The following SLCO2A1 variants were observed in gnomAD, a reference collection of about 807,000 sequenced individuals.
The protein encoded by SLCO2A1 is matrin F/G 1.
In SLCO2A1, 60 loss-of-function variants were observed where a neutral mutation model predicts 71.7. The ratio of observed to expected loss-of-function variants is 0.84; its 90% CI spans 0.68 to 1.04. The LOEUF (loss-of-function observed/expected upper bound fraction) is 1.04, where lower values mean the gene tolerates loss of function less well. Ranked by LOEUF, SLCO2A1 falls within the 50% of genes least tolerant of loss-of-function variation. The pLI is 0.00. For synonymous variants in SLCO2A1, 308 were observed against 326.7 expected (o/e 0.94, Z 0.62); for missense variants, 745 against 813.4 (o/e 0.92, Z 1.02).
At chr3:134,019,449 C>T (rs1216906808) in intron 1 of SLCO2A1, among the ~76,000 whole-genome samples, 1 of 152,144 alleles carries the variant, frequency 6.6e-6, no homozygotes, top group African/African-American at 2.4e-5. Flanking sequence ...CTATGCCTCA[C>T]GGAATTGGTG....
chr3:133,939,542 G>A (rs907957953), intron 11 of SLCO2A1, among the ~76,000 whole-genome samples: 6 of 152,226 alleles, frequency 3.9e-5, no homozygotes, highest in African/African-American at 1.4e-4. Flanking sequence ...TAGCAAACTG[G>A]AAAGGGACCT....
intron 2 of SLCO2A1, among the ~76,000 whole-genome samples, chr3:133,977,172 T>TAC (rs1934479673): frequency 1.3e-5 from 2 of 152,032 alleles, no homozygotes; most frequent in Admixed American, 6.6e-5. Flanking sequence ...CAGACACAGA[T>TAC]ACACACACAC....
intron 3 of SLCO2A1, 154 bp from the exon 4 acceptor site, chr3:133,955,347 G>C (rs919928298): frequency 1.6e-6 from 1 of 614,560 alleles, no homozygotes; most frequent in Non-Finnish European, 2.8e-6. Flanking sequence ...TGAGGACCGC[G>C]TCCTTCTGTC....
intron 1 of SLCO2A1, among the ~76,000 whole-genome samples, chr3:133,986,545 T>A (rs1934718003): frequency 6.6e-6 from 1 of 152,186 alleles, no homozygotes; most frequent in African/African-American, 2.4e-5. Context: ...CTTCTAACTG[T>A]CAAGGCCATG....
At chr3:134,006,285 T>C (rs1431557300) in intron 1 of SLCO2A1, among the ~76,000 whole-genome samples, 2 of 152,010 alleles carry the variant, frequency 1.3e-5, no homozygotes, top group Admixed American at 6.6e-5. Flanking sequence ...ATTCTGGGCT[T>C]AAGCAATCTT....
At chr3:133,961,341 C>T (rs1429883697) in intron 3 of SLCO2A1, among the ~76,000 whole-genome samples, 1 of 151,964 alleles carries the variant, frequency 6.6e-6, no homozygotes, top group Non-Finnish European at 1.5e-5. Context: ...AGAAACATCA[C>T]CGGGAAAAGA....
intron 1 of SLCO2A1, among the ~76,000 whole-genome samples, chr3:133,980,052 C>A (rs1175212479): frequency 6.6e-6 from 1 of 152,182 alleles, no homozygotes; most frequent in Non-Finnish European, 1.5e-5. Context: ...CCAATTCAGA[C>A]CACTCTTGGG....
intron 1 of SLCO2A1, among the ~76,000 whole-genome samples, chr3:134,010,925 A>T (rs967154078): frequency 6.6e-6 from 1 of 152,218 alleles, no homozygotes; most frequent in Non-Finnish European, 1.5e-5. Context: ...GTCAAACCAT[A>T]TCAGGTGGGA....
chr3:134,011,155 G>C (rs940954609), intron 1 of SLCO2A1, among the ~76,000 whole-genome samples: 1 of 152,090 alleles, frequency 6.6e-6, no homozygotes, highest in Admixed American at 6.5e-5. Flanking sequence ...GGTTCAAGCA[G>C]CTCTCCTGCC....
At chr3:133,947,572 G>T in intron 8 of SLCO2A1, 127 bp from the exon 9 acceptor site, 1 of 747,136 alleles carries the variant, frequency 1.3e-6, no homozygotes, top group Non-Finnish European at 2.1e-6. Flanking sequence ...ATGTTAAATT[G>T]TAATCGAAGT....
rs549556778 is a variant in SLCO2A1, at chr3:133,959,151, T to C, written c.398-3958A>G. On this transcript the variant is annotated intron_variant, in intron 3 of 13. Transcript: ENST00000310926. ...AGGGGAAAAGGAGAACGCGGAGTCC[T>C]GAAAAGGACCTGGACCCAGTTACAT... Among the ~76,000 whole-genome samples, 343 of 152,254 alleles carry C rather than the reference T, an allele frequency of 2.3e-3. 1 individual carries two copies. Among genetic ancestry groups the C allele is most frequent in the Non-Finnish European group, 4.1e-3 (282 of 68,008 alleles).
chr3:134,008,811 G>C (rs1343372882), intron 1 of SLCO2A1, among the ~76,000 whole-genome samples: 1 of 152,238 alleles, frequency 6.6e-6, no homozygotes, highest in Admixed American at 6.5e-5. Flanking sequence ...TTCCCAGAAA[G>C]GAAAAGGCTC....
rs1442180758 is a variant in SLCO2A1 at position 133,935,900 on chromosome 3, G to A, written c.1691-3C>T. 4.4e-6 allele frequency: 7 copies of A among 1,589,420 alleles called. No homozygotes were observed. In the Admixed American group the frequency reaches 7.0e-5, roughly 16 times the overall value. On this transcript the variant is annotated splice_polypyrimidine_tract_variant and splice_region_variant and intron_variant, in intron 12 of 13. Transcript: ENST00000310926. ...GAGGGCTGGAGATGGCAGCCAGGCT[G>A]GAAGAGGGTTCAGAAAGCCCTGGTC...
chr3:133,990,154 C>A (rs1934807812), intron 1 of SLCO2A1, among the ~76,000 whole-genome samples: 1 of 152,270 alleles, frequency 6.6e-6, no homozygotes, highest in South Asian at 2.1e-4. Flanking sequence ...CTACTGCAGG[C>A]CCCGTGCACG....
At chr3:133,942,815 C>T in intron 10 of SLCO2A1, 47 bp from the exon 11 acceptor site, 1 of 1,550,136 alleles carries the variant, frequency 6.5e-7, no homozygotes, top group Non-Finnish European at 8.8e-7. Context: ...GTTATTATTT[C>T]ACTTTCACAC....
rs1396060120 is a variant in SLCO2A1 at position 133,934,711 on chromosome 3, G to C, written c.*2C>G. ...GGAGCAGGGCAGTGGCCCAGGGTGG[G>C]GTCAGATGAGGCCTGCCGCCTTCTG... On this transcript the variant is annotated 3_prime_UTR_variant, in exon 14 of 14. Coordinates refer to ENST00000310926, the MANE Select transcript of SLCO2A1 (RefSeq NM_005630.3). 1 of 1,609,282 alleles carries C rather than the reference G, an allele frequency of 6.2e-7. No homozygotes were observed. The highest frequency in any genetic ancestry group is 1.1e-5 in the South Asian group (1 of 90,964).
intron 11 of SLCO2A1, among the ~76,000 whole-genome samples, chr3:133,939,323 C>T (rs1449593456): frequency 6.6e-6 from 1 of 152,200 alleles, no homozygotes; most frequent in Admixed American, 6.5e-5. Context: ...AGGACACCTC[C>T]ACACAAGGTG....
intron 3 of SLCO2A1, among the ~76,000 whole-genome samples, chr3:133,961,714 C>A (rs1934040297): frequency 7.0e-6 from 1 of 142,408 alleles, no homozygotes; most frequent in Admixed American, 7.4e-5. Context: ...ATCAATGGGC[C>A]CCAATTACAT....
At chr3:133,955,953 T>TG (rs1247612725) in intron 3 of SLCO2A1, among the ~76,000 whole-genome samples, 1 of 152,184 alleles carries the variant, frequency 6.6e-6, no homozygotes. Flanking sequence ...GTGAGGCCTG[T>TG]GGGCACTATG....
Sources: allele counts gnomAD v4.1 joint callset (sites outside exome capture counted in the v4.1 genomes callset), GRCh38; gene constraint gnomAD v4.1.1; transcripts MANE v1.5; gene names NCBI Gene and HGNC (gene_info 2026-07-23, HGNC 2026-07-21).